MKLN1: variants seen among roughly 807,000 people sequenced by gnomAD.
The protein encoded by MKLN1 is muskelin 1, also known as muskelin.
Under a neutral mutation model 99.0 loss-of-function variants are expected in MKLN1, and 18 were observed. The observed-to-expected ratio is 0.18, with a 90% confidence interval of 0.13 to 0.27. The LOEUF is 0.27. MKLN1 is among the 10% of genes least tolerant of loss of function. The pLI is 1.00. For synonymous variants in MKLN1, 288 were observed against 293.2 expected (o/e 0.98, Z 0.18); for missense variants, 621 against 875.9 (o/e 0.71, Z 3.67).
intron 3 of MKLN1, among the ~76,000 whole-genome samples, chr7:131,240,909 C>T (rs755761296): frequency 3.3e-5 from 5 of 152,178 alleles, no homozygotes; most frequent in Non-Finnish European, 7.3e-5. Flanking sequence ...TCCTGAAAGA[C>T]TCTTGTTAAG....
chr7:131,323,342 G>C (rs1258374734), upstream of MKLN1: 1 of 152,132 alleles, frequency 6.6e-6, no homozygotes. Flanking sequence ...TTTTAACATA[G>C]TTTCAAATAT....
intron 12 of MKLN1, among the ~76,000 whole-genome samples, chr7:131,449,779 A>G (rs956493467): frequency 6.6e-6 from 1 of 151,280 alleles, no homozygotes; most frequent in African/African-American, 2.4e-5. Context: ...TGCGGCTGGG[A>G]TTGAGAACCA....
intron 1 of MKLN1, among the ~76,000 whole-genome samples, chr7:131,331,608 G>A (rs527952098): frequency 1.3e-5 from 2 of 152,064 alleles, no homozygotes; most frequent in South Asian, 4.2e-4. Context: ...AACACAATGA[G>A]ACCCCATCTG....
intron 3 of MKLN1, among the ~76,000 whole-genome samples, chr7:131,246,524 C>T (rs1797491874): frequency 6.6e-6 from 1 of 152,030 alleles, no homozygotes; most frequent in Non-Finnish European, 1.5e-5. Context: ...ATGATTTGTT[C>T]GTTCATGTCC....
intron 10 of MKLN1, among the ~76,000 whole-genome samples, chr7:131,439,382 T>C (rs1013459469): frequency 6.6e-6 from 1 of 152,060 alleles, no homozygotes; most frequent in Non-Finnish European, 1.5e-5. Flanking sequence ...TTTTATAAAA[T>C]AGGATGTTTC....
At chr7:131,243,138 C>T (rs576658126) in intron 3 of MKLN1, 6 of 320,838 alleles carry the variant, frequency 1.9e-5, no homozygotes, top group South Asian at 1.8e-4. Context: ...CATATAAATA[C>T]GTAATCAACC....
At chr7:131,114,045 A>G (rs116911088) in intron 1 of MKLN1, among the ~76,000 whole-genome samples, 1,881 of 152,330 alleles carry the variant, frequency 0.012, 22 homozygotes, top group Non-Finnish European at 0.019. Flanking sequence ...ACCATATCAC[A>G]TTATAAGAAA....
intron 1 of MKLN1, among the ~76,000 whole-genome samples, chr7:131,354,345 G>A (rs1000044218): frequency 2.6e-5 from 4 of 152,018 alleles, no homozygotes; most frequent in African/African-American, 7.2e-5. Flanking sequence ...TCCTGTACAT[G>A]TTTTGTTAAA....
intron 9 of MKLN1, among the ~76,000 whole-genome samples, chr7:131,437,470 T>C (rs1354499227): frequency 6.6e-6 from 1 of 152,204 alleles, no homozygotes; most frequent in African/African-American, 2.4e-5. Flanking sequence ...TAAAATGCAG[T>C]GCAGTATATG....
At chr7:131,435,105 A>G (rs1444585255) in intron 9 of MKLN1, among the ~76,000 whole-genome samples, 5 of 152,192 alleles carry the variant, frequency 3.3e-5, no homozygotes, top group Non-Finnish European at 5.9e-5. Context: ...CTTTTTACAT[A>G]TGTATTGATG....
intron 1 of MKLN1, among the ~76,000 whole-genome samples, chr7:131,349,112 T>C (rs529891046): frequency 6.6e-6 from 1 of 152,302 alleles, no homozygotes; most frequent in South Asian, 2.1e-4. Flanking sequence ...TTGATATAAT[T>C]AGATGATAAT....
At chr7:131,358,128 C>T (rs1799934629) in intron 1 of MKLN1, among the ~76,000 whole-genome samples, 1 of 152,060 alleles carries the variant, frequency 6.6e-6, no homozygotes, top group African/African-American at 2.4e-5. Flanking sequence ...TATTCCCAGT[C>T]TTGGGGTAAA....
intron 8 of MKLN1, among the ~76,000 whole-genome samples, chr7:131,419,268 T>TTA (rs1795121627): frequency 6.9e-6 from 1 of 145,926 alleles, no homozygotes; most frequent in African/African-American, 2.5e-5. Context: ...TTTTTTTTTT[T>TTA]GAGACAGAGT....
intron 8 of MKLN1, among the ~76,000 whole-genome samples, chr7:131,421,046 C>T (rs868827221): frequency 2.2e-4 from 33 of 152,136 alleles, no homozygotes; most frequent in Non-Finnish European, 2.9e-5. Flanking sequence ...ACTTGTTATG[C>T]CATTTAGACT....
intron 1 of MKLN1, among the ~76,000 whole-genome samples, chr7:131,362,874 T>G (rs972561562): frequency 2.6e-5 from 4 of 152,050 alleles, no homozygotes; most frequent in African/African-American, 9.6e-5. Context: ...TATGTAAGTC[T>G]TATCAGCTCT....
intron 1 of MKLN1, among the ~76,000 whole-genome samples, chr7:131,116,879 A>T (rs932625000): frequency 6.6e-6 from 1 of 152,146 alleles, no homozygotes; most frequent in Admixed American, 6.5e-5. Flanking sequence ...CAGGCTGGGA[A>T]GCAGGCACTT....
Position 131,142,690 on chromosome 7 carries a change from G to A in MKLN1, c.-418-130G>A, listed in dbSNP as rs558632836. ...GCAGAGCTTGCAGTGAGCTGAGATC[G>A]CCCCACTGCACTCCAGCCTGGGCAA... On this transcript the variant is annotated intron_variant, in intron 1 of 7. Coordinates refer to the MKLN1 transcript ENST00000416992. 6.0e-5 allele frequency: 17 copies of A among 283,944 alleles called. 1 individual carries two copies. The highest frequency in any genetic ancestry group is 3.0e-4 in the South Asian group (10 of 32,820). The allele number at this position is 283,944 out of a possible 1,614,324, so 17.6% of individuals were successfully genotyped here.
intron 2 of MKLN1, among the ~76,000 whole-genome samples, chr7:131,149,819 G>T (rs1379211976): frequency 6.6e-6 from 1 of 152,170 alleles, no homozygotes; most frequent in African/African-American, 2.4e-5. Flanking sequence ...AGTGACCCTT[G>T]TTGGAAGTAT....
At chr7:131,223,416 A>G (rs1321259745) in intron 3 of MKLN1, among the ~76,000 whole-genome samples, 1 of 152,226 alleles carries the variant, frequency 6.6e-6, no homozygotes, top group Non-Finnish European at 1.5e-5. Flanking sequence ...GCTGTGCCCC[A>G]GATGACTTTG....
Sources: gnomAD v4.1 joint callset for allele counts (sites outside exome capture counted in the v4.1 genomes callset) on GRCh38, gnomAD v4.1.1 for gene constraint, MANE v1.5 for transcripts, NCBI Gene and HGNC (gene_info 2026-07-23, HGNC 2026-07-21) for gene names.